Variants in BCKDHA observed in about 807,000 individuals in gnomAD.
BCKDHA encodes branched chain keto acid dehydrogenase E1 subunit alpha.
BCKDHA carries 43 observed loss-of-function variants against 52.2 expected under a neutral mutation model. The observed-to-expected ratio is 0.82, with a 90% CI of 0.64 to 1.06. The LOEUF is 1.06. BCKDHA is among the 50% of genes least tolerant of loss of function. The probability of loss-of-function intolerance (pLI) is 0.00; values close to 1 mark genes in which losing one functional copy is unlikely to be tolerated. For synonymous variants in BCKDHA, 234 were observed against 247.9 expected, an observed-to-expected ratio of 0.94 and a Z score of 0.53; for missense variants, 527 against 621.3, an observed-to-expected ratio of 0.85 and a Z score of 1.61.
intron 3 of BCKDHA, among the ~76,000 whole-genome samples, chr19:41,413,768 C>T (rs191751117): frequency 1.3e-5 from 2 of 152,344 alleles, no homozygotes; most frequent in Admixed American, 1.3e-4. Context: ...GAACCCTCCA[C>T]CCACCCCATC....
intron 5 of BCKDHA, among the ~76,000 whole-genome samples, chr19:41,420,127 T>C (rs1452780082): frequency 6.6e-6 from 1 of 152,212 alleles, no homozygotes; most frequent in Non-Finnish European, 1.5e-5. Flanking sequence ...GCTCTGTTGC[T>C]GTCCCCACCC....
At chr19:41,419,397 T>C in intron 5 of BCKDHA, 101 bp downstream of exon 5, 1 of 1,411,158 alleles carries the variant, frequency 7.1e-7, no homozygotes, top group Non-Finnish European at 9.7e-7. Context: ...AATTCTGGGT[T>C]GGTGACACCA....
intron 1 of BCKDHA, among the ~76,000 whole-genome samples, chr19:41,406,507 C>G (rs767131410): frequency 4.6e-5 from 7 of 151,992 alleles, no homozygotes; most frequent in Admixed American, 1.3e-4. Context: ...AAGCCATCCT[C>G]TCACCTCAGC....
chr19:41,407,527 G>A (rs1002008797), intron 1 of BCKDHA, among the ~76,000 whole-genome samples: 3 of 152,158 alleles, frequency 2.0e-5, no homozygotes, highest in African/African-American at 7.2e-5. Context: ...TCAGAAGGGG[G>A]AAGCACTGTG....
At chr19:41,407,326 C>G (rs1201958473) in intron 1 of BCKDHA, among the ~76,000 whole-genome samples, 1 of 152,142 alleles carries the variant, frequency 6.6e-6, no homozygotes, top group East Asian at 1.9e-4. Flanking sequence ...AAATTAGAAC[C>G]CAGGGCAGTT....
chr19:41,422,173 C>T lies in BCKDHA; in HGVS notation c.656C>T (p.Ala219Val), dbSNP rs532361185. ...CTCTCATCCCCTGCAGCGGTGGGGGCGGCGTACGCAGCCAAGCGGGCCAAT... is the reference window on the plus strand; with the variant it reads ...CTCTCATCCCCTGCAGCGGTGGGGGTGGCGTACGCAGCCAAGCGGGCCAAT... ...LATQIPQAVG[A>V]AYAAKRANAN... Residue 219 changes from alanine to valine, a missense_variant, in exon 6 of 9, where the codon GCG (alanine) becomes GTG (valine). By Grantham distance (64) the Ala-to-Val change is moderately conservative. Transcript: ENST00000269980. 1.4e-5 allele frequency: 22 copies of T among 1,613,358 alleles called. No individual in the cohort carries two copies. The highest frequency in any genetic ancestry group is 6.7e-5 in the African/African-American group (5 of 74,866).
rs759507006 is a variant in BCKDHA at position 41,424,744 on chromosome 19, G to T, written c.*136G>T. 7.0e-6 allele frequency: 7 copies of T among 1,006,886 alleles called. No individual in the cohort carries two copies. The highest frequency in any genetic ancestry group is 4.9e-5 in the African/African-American group (3 of 61,146). 62.4% of individuals were successfully genotyped at this position (1,006,886 alleles called of 1,614,324 possible). ...TCTAAAATACTCAGCGGCCAGGGCG[G>T]CTGCCACTCTTCACCCCTGCTCCTC... is the stretch of plus-strand genomic sequence containing the variant. On this transcript the variant is annotated 3_prime_UTR_variant, in exon 9 of 9. Transcript: ENST00000269980.
At chr19:41,422,016 G>A in intron 5 of BCKDHA, 148 bp from the exon 6 acceptor site, 1 of 766,650 alleles carries the variant, frequency 1.3e-6, no homozygotes, top group Non-Finnish European at 2.2e-6. Flanking sequence ...GATGCTGGGG[G>A]GCATCAGGAG....
At chr19:41,399,360 T>G (rs2039111888) in intron 1 of BCKDHA, 2 of 143,416 alleles carry the variant, frequency 1.4e-5, no homozygotes, top group Non-Finnish European at 1.5e-5. Context: ...TTTTGAGCAG[T>G]TCATATCCTC....
chr19:41,419,836 C>T (rs577031035), intron 5 of BCKDHA, among the ~76,000 whole-genome samples: 39 of 148,434 alleles, frequency 2.6e-4, no homozygotes, highest in Non-Finnish European at 4.2e-4. Context: ...GGTGCAATCT[C>T]GGCTCACTGT....
At chr19:41,405,068 G>A (rs1195388869) in intron 1 of BCKDHA, among the ~76,000 whole-genome samples, 8 of 152,118 alleles carry the variant, frequency 5.3e-5, no homozygotes, top group African/African-American at 1.9e-4. Context: ...TCAGTTCAGG[G>A]CATGATTTGG....
At chr19:41,415,375 C>CT (rs928701558) in intron 4 of BCKDHA, 1 of 152,288 alleles carries the variant, frequency 6.6e-6, no homozygotes, top group Non-Finnish European at 1.5e-5. Context: ...ATGGGAGCCG[C>CT]TGAGCTCTCC....
At chr19:41,407,350 A>G (rs1007376816) in intron 1 of BCKDHA, among the ~76,000 whole-genome samples, 2 of 152,202 alleles carry the variant, frequency 1.3e-5, no homozygotes, top group Admixed American at 6.5e-5. Flanking sequence ...CTCCAGAGCC[A>G]GGGAACTTAA....
chr19:41,423,576 A>T (rs2039394078), intron 8 of BCKDHA, among the ~76,000 whole-genome samples: 1 of 152,230 alleles, frequency 6.6e-6, no homozygotes, highest in African/African-American at 2.4e-5. Context: ...TCACGCCTGT[A>T]ATCCCAGCAC....
chr19:41,402,734 T>G (rs1731457674), intron 1 of BCKDHA, among the ~76,000 whole-genome samples: 1 of 152,188 alleles, frequency 6.6e-6, no homozygotes, highest in Admixed American at 6.5e-5. Flanking sequence ...CTCTGCCTCC[T>G]GGGTTAAGCG....
intron 1 of BCKDHA, among the ~76,000 whole-genome samples, chr19:41,408,248 C>T (rs1038684293): frequency 6.7e-6 from 1 of 150,114 alleles, no homozygotes; most frequent in Admixed American, 6.6e-5. Context: ...TAAGCCACTG[C>T]CCAGCATCCC....
At chr19:41,424,355 A>T in intron 8 of BCKDHA, 83 bp from the exon 9 acceptor site, 5 of 1,521,688 alleles carry the variant, frequency 3.3e-6, no homozygotes, top group Non-Finnish European at 4.5e-6. Context: ...GGAGTGGTTA[A>T]TTCCTTGCCA....
intron 3 of BCKDHA, among the ~76,000 whole-genome samples, chr19:41,411,407 A>G (rs1223780932): frequency 2.0e-5 from 3 of 152,154 alleles, no homozygotes; most frequent in Non-Finnish European, 2.9e-5. Context: ...TCCTAGTATC[A>G]GGGACAAGGA....
chr19:41,422,036 T>C (rs2039371344), intron 5 of BCKDHA, 128 bp from the exon 6 acceptor site: 1 of 925,738 alleles, frequency 1.1e-6, no homozygotes, highest in East Asian at 2.6e-5. Context: ...GCTGAGGTGT[T>C]TCCTTTCCCC....
Sources: gnomAD v4.1 joint callset for allele counts (sites outside exome capture counted in the v4.1 genomes callset) on GRCh38, gnomAD v4.1.1 for gene constraint, MANE v1.5 for transcripts, NCBI Gene and HGNC (gene_info 2026-07-23, HGNC 2026-07-21) for gene names.